The following ZC2HC1A variants were observed in gnomAD, a reference collection of about 807,000 sequenced individuals.
The protein encoded by ZC2HC1A is zinc finger C2HC domain-containing protein 1A.
ZC2HC1A carries 28 observed loss-of-function variants against 40.7 expected under a neutral mutation model. The ratio of observed to expected loss-of-function variants is 0.69; its 90% CI spans 0.51 to 0.94. ZC2HC1A has a LOEUF of 0.94. Among genes scored for constraint, ZC2HC1A ranks in the 40% least tolerant of loss-of-function variants. The pLI is 0.00. For synonymous variants in ZC2HC1A, 129 were observed against 129.2 expected (o/e 1.00, Z 0.01); for missense variants, 389 against 386.3 (o/e 1.01, Z -0.06).
intron 7 of ZC2HC1A, 38 bp from the exon 8 acceptor site, chr8:78,715,183 G>A: frequency 4.4e-6 from 7 of 1,578,412 alleles, no homozygotes; most frequent in Non-Finnish European, 6.1e-6. Context: ...CATGCTCACT[G>A]TTCAATACTT....
At chr8:78,673,374 A>G (rs1302219843) in intron 1 of ZC2HC1A, among the ~76,000 whole-genome samples, 1 of 152,174 alleles carries the variant, frequency 6.6e-6, no homozygotes, top group Non-Finnish European at 1.5e-5. Context: ...TGCAGTAAGC[A>G]TACGTGTGCA....
At chr8:78,696,097 T>C (rs1586009665) in intron 5 of ZC2HC1A, among the ~76,000 whole-genome samples, 1 of 152,070 alleles carries the variant, frequency 6.6e-6, no homozygotes, top group Non-Finnish European at 1.5e-5. Flanking sequence ...TGCAGTGGCG[T>C]GATCTCGGCT....
At chr8:78,677,620 G>A (rs200173691) in intron 2 of ZC2HC1A, among the ~76,000 whole-genome samples, 1 of 151,258 alleles carries the variant, frequency 6.6e-6, no homozygotes, top group African/African-American at 2.4e-5. Context: ...TCTTTTTCTA[G>A]TATCTATGTT....
chr8:78,711,845 C>A, intron 7 of ZC2HC1A: 1 of 409,452 alleles, frequency 2.4e-6, no homozygotes, highest in South Asian at 2.1e-5. Context: ...TTCTTTTGGA[C>A]ATTAGTTCTT....
intron 3 of ZC2HC1A, among the ~76,000 whole-genome samples, chr8:78,681,741 G>T (rs114272702): frequency 0.037 from 5,618 of 151,990 alleles, 317 homozygotes; most frequent in African/African-American, 0.13. Flanking sequence ...ATTTGTTCTG[G>T]TATCTGTTTT....
intron 1 of ZC2HC1A, among the ~76,000 whole-genome samples, chr8:78,675,237 T>G (rs924277714): frequency 1.3e-5 from 2 of 151,812 alleles, no homozygotes; most frequent in African/African-American, 2.4e-5. Flanking sequence ...TTAATATAAG[T>G]ATTATATGTA....
intron 3 of ZC2HC1A, chr8:78,679,501 AT>A (rs1240265808): frequency 6.6e-6 from 1 of 151,954 alleles, no homozygotes; most frequent in African/African-American, 2.4e-5. Flanking sequence ...ATGGTTATTT[AT>A]TTTTTTCCTG....
At chr8:78,695,786 G>A (rs1011803808) in intron 5 of ZC2HC1A, among the ~76,000 whole-genome samples, 2 of 152,128 alleles carry the variant, frequency 1.3e-5, no homozygotes, top group African/African-American at 4.8e-5. Flanking sequence ...GACATTTACT[G>A]AAGGTTTTGG....
chr8:78,666,781 A>G (rs1809313145), intron 1 of ZC2HC1A, among the ~76,000 whole-genome samples: 1 of 152,306 alleles, frequency 6.6e-6, no homozygotes, highest in African/African-American at 2.4e-5. Context: ...TGTGTGAGGA[A>G]GAGCCTGTAT....
At chr8:78,716,594 A>G (rs1811112997) in intron 8 of ZC2HC1A, among the ~76,000 whole-genome samples, 1 of 152,128 alleles carries the variant, frequency 6.6e-6, no homozygotes, top group Non-Finnish European at 1.5e-5. Flanking sequence ...AAACCTAAGG[A>G]TCTCTATCTT....
chr8:78,671,730 T>C (rs527294436), intron 1 of ZC2HC1A, among the ~76,000 whole-genome samples: 1 of 152,296 alleles, frequency 6.6e-6, no homozygotes, highest in South Asian at 2.1e-4. Flanking sequence ...AGTTCTTTGC[T>C]GTAGGTCCTT....
intron 1 of ZC2HC1A, among the ~76,000 whole-genome samples, chr8:78,672,238 A>G (rs886844519): frequency 6.6e-6 from 1 of 152,168 alleles, no homozygotes; most frequent in African/African-American, 2.4e-5. Context: ...AAATTATTTT[A>G]GTAATAAAAT....
At chr8:78,697,622 G>A in intron 6 of ZC2HC1A, 116 bp downstream of exon 6, 1 of 687,544 alleles carries the variant, frequency 1.5e-6, no homozygotes, top group Admixed American at 3.6e-5. Flanking sequence ...AAGAAGAGAT[G>A]TAGAAGTTAA....
At chr8:78,667,325 T>A (rs1352116437) in intron 1 of ZC2HC1A, among the ~76,000 whole-genome samples, 1 of 152,310 alleles carries the variant, frequency 6.6e-6, no homozygotes, top group East Asian at 1.9e-4. Flanking sequence ...GAAGGTCTTG[T>A]TTTTTGCTTA....
At chr8:78,699,008 A>T (rs994869477) in intron 7 of ZC2HC1A, among the ~76,000 whole-genome samples, 1 of 152,174 alleles carries the variant, frequency 6.6e-6, no homozygotes. Flanking sequence ...CGTTTTTATT[A>T]TAATGTTAGA....
Position 78,686,602 on chromosome 8 carries a change from G to A in ZC2HC1A, c.346G>A (p.Asp116Asn). The A allele has an allele frequency of 6.7e-7, 1 of 1,497,218 alleles. No individual in the cohort carries two copies. The highest frequency in any genetic ancestry group is 8.9e-7 in the Non-Finnish European group (1 of 1,125,596). 92.7% of individuals were successfully genotyped at this position (1,497,218 alleles called of 1,614,324 possible). A position where few individuals can be genotyped will look rare whatever the true frequency, so the allele number is the denominator to read the frequency against. ...KLPPPPPPSY[D>N]PDYIQCPYCQ... Reference sequence around the variant, plus strand: ...TCCTCCTCCTCCTCCACCTTCTTATGATCCTGGTATTTGGAATATTGTTGA... The same window carrying A: ...TCCTCCTCCTCCTCCACCTTCTTATAATCCTGGTATTTGGAATATTGTTGA... The change falls in exon 4 of 9, where the codon GAT becomes AAT. Residue 116 changes from aspartate to asparagine, a missense_variant. Physicochemically the swap from Asp to Asn is conservative, Grantham distance 23. Transcript: ENST00000263849.
Position 78,686,506 on chromosome 8 carries a change from CAT to C in ZC2HC1A, c.251_252del (p.His84ArgfsTer11). 1 of 1,542,546 alleles carries C rather than the reference CAT, an allele frequency of 6.5e-7. No homozygotes were observed. ...GAAACCATCTAATTGGAGAAGGAAA[CAT>C]GAAGAATTCATTGCTACCATAAGAG... ...PKKPSNWRRK[H>X]EEFIATIRAA... is the part of the protein sequence containing the mutation. On this transcript the variant is annotated frameshift_variant, in exon 4 of 9. Transcript: ENST00000263849. LOFTEE classifies it high-confidence loss of function.
In ZC2HC1A at chr8:78,671,144, G is replaced by A. The variant is rs185111551; in HGVS notation, c.17-4643G>A. On this transcript the variant is annotated intron_variant, in intron 1 of 8. Coordinates refer to ENST00000263849, the MANE Select transcript of ZC2HC1A (RefSeq NM_016010.3). ...AAATGTTCTCTCATAGTTCTTAAAT[G>A]TATGCATTTTAAAATGTCACAACTA... is the stretch of plus-strand genomic sequence containing the variant. 1.2e-4 allele frequency among the ~76,000 whole-genome samples: 18 copies of A among 152,202 alleles called. No individual in the cohort carries two copies. In the East Asian group the frequency reaches 3.1e-3, roughly 26 times the overall value.
chr8:78,707,100 CAT>C (rs1810798107), intron 7 of ZC2HC1A, among the ~76,000 whole-genome samples: 1 of 152,156 alleles, frequency 6.6e-6, no homozygotes, highest in East Asian at 1.9e-4. Flanking sequence ...GAAGTATAGA[CAT>C]AGCAATATGT....
Sources: allele counts gnomAD v4.1 joint callset (sites outside exome capture counted in the v4.1 genomes callset), GRCh38; gene constraint gnomAD v4.1.1; transcripts MANE v1.5; gene names NCBI Gene and HGNC (gene_info 2026-07-23, HGNC 2026-07-21).